PHIP: variants seen among roughly 807,000 people sequenced by gnomAD.
The protein encoded by PHIP is PHIP subunit of CUL4-Ring ligase complex.
In PHIP, 54 loss-of-function variants were observed where a neutral mutation model predicts 236.8. That is an observed-to-expected ratio of 0.23 (90% confidence interval 0.18 to 0.29). PHIP has a LOEUF of 0.29. Ranked by LOEUF, PHIP falls within the 10% of genes least tolerant of loss-of-function variation. PHIP has a pLI of 1.00. For missense variants in PHIP, 1,370 were observed against 2,190.8 expected, an observed-to-expected ratio of 0.63 and a Z score of 7.48; for synonymous variants, 756 against 718.9, an observed-to-expected ratio of 1.05 and a Z score of -0.83.
At chr6:79,045,680 T>C (rs141197745) in intron 6 of PHIP, among the ~76,000 whole-genome samples, 215 of 152,310 alleles carry the variant, frequency 1.4e-3, no homozygotes, top group African/African-American at 4.7e-3. Context: ...GAAATGTCTC[T>C]TGGATTATTG....
At chr6:78,974,647 A>G (rs1034234555) in intron 24 of PHIP, among the ~76,000 whole-genome samples, 3 of 152,138 alleles carry the variant, frequency 2.0e-5, no homozygotes, top group Admixed American at 2.0e-4. Context: ...ATAAAAGAAA[A>G]AAAGAAGAAT....
chr6:78,947,197 C>G (rs1004556289), intron 36 of PHIP, among the ~76,000 whole-genome samples: 7 of 152,174 alleles, frequency 4.6e-5, no homozygotes, highest in Non-Finnish European at 1.0e-4. Context: ...AACCTGTTTT[C>G]TATCTAGGAC....
At chr6:79,072,910 C>T (rs1773957574) in intron 4 of PHIP, among the ~76,000 whole-genome samples, 1 of 152,194 alleles carries the variant, frequency 6.6e-6, no homozygotes, top group African/African-American at 2.4e-5. Context: ...TTTACTACCA[C>T]TACTAAAGTT....
intron 31 of PHIP, among the ~76,000 whole-genome samples, chr6:78,960,961 A>G (rs1305862018): frequency 1.3e-5 from 2 of 152,182 alleles, no homozygotes; most frequent in African/African-American, 4.8e-5. Context: ...CTTTTAATGC[A>G]ATGTTACACA....
At chr6:79,045,024 C>T (rs1772408289) in intron 6 of PHIP, among the ~76,000 whole-genome samples, 1 of 152,112 alleles carries the variant, frequency 6.6e-6, no homozygotes, top group Non-Finnish European at 1.5e-5. Context: ...TTTCCAGAAT[C>T]ACATTAGGTG....
At chr6:78,970,281 G>C in intron 25 of PHIP, 108 bp from the exon 26 acceptor site, 1 of 853,446 alleles carries the variant, frequency 1.2e-6, no homozygotes, top group Non-Finnish European at 1.8e-6. Flanking sequence ...TGATCTGGAT[G>C]GTGATGACTG....
chr6:79,059,632 C>T (rs1439054781), intron 6 of PHIP, among the ~76,000 whole-genome samples: 10 of 75,976 alleles, frequency 1.3e-4, no homozygotes, highest in Non-Finnish European at 2.2e-4. Context: ...TATAAAAATG[C>T]CAAACAAAAG....
intron 23 of PHIP, among the ~76,000 whole-genome samples, chr6:78,980,528 G>A (rs184538175): frequency 5.3e-5 from 8 of 152,142 alleles, no homozygotes; most frequent in African/African-American, 9.6e-5. Flanking sequence ...TAAGAGAGTC[G>A]TCATATTACT....
Position 78,996,153 on chromosome 6 carries a change from G to A in PHIP, c.2201+1261C>T, listed in dbSNP as rs200790328. 7.9e-5 allele frequency among the ~76,000 whole-genome samples: 12 copies of A among 152,308 alleles called. No individual in the cohort carries two copies. The East Asian group carries it at 1.7e-3, about 22-fold the overall frequency. ...CAGAGGAGGAGTAAATTAGTCAACT[G>A]ATATGCTCTGGAAGAAAAACCCAGC... is the stretch of plus-strand genomic sequence containing the variant. On this transcript the variant is annotated intron_variant, in intron 19 of 39. Coordinates refer to ENST00000275034, the MANE Select transcript of PHIP (RefSeq NM_017934.7).
In PHIP at chr6:78,936,828, G is replaced by A. The variant is rs1773287023; in HGVS notation, c.*3865C>T. 6.6e-6 allele frequency: 1 copy of A among 151,794 alleles called. No homozygotes were observed. The highest frequency in any genetic ancestry group is 1.5e-5 in the Non-Finnish European group (1 of 67,750). The allele number at this position is 151,794 out of a possible 1,614,324, so 9.4% of individuals were successfully genotyped here. Reference sequence around the variant, plus strand: ...TTTCATTTGGAGCAAACTTTGCTCAGTATAATTAACAAAAATAGTTTCTTA... The same window carrying A: ...TTTCATTTGGAGCAAACTTTGCTCAATATAATTAACAAAAATAGTTTCTTA... On this transcript the variant is annotated 3_prime_UTR_variant, in exon 40 of 40. Coordinates refer to ENST00000275034, the MANE Select transcript of PHIP (RefSeq NM_017934.7).
In PHIP at chr6:78,969,859, C is replaced by T. The variant is rs1767408707; in HGVS notation, c.3181G>A (p.Ala1061Thr). 4 of 1,581,070 alleles carry T rather than the reference C, an allele frequency of 2.5e-6. No homozygotes were observed. Among genetic ancestry groups the T allele is most frequent in the Non-Finnish European group, 3.5e-6 (4 of 1,153,910 alleles). ...CCTATATTCCATCGCCTGTATTTTG[C>T]ATCATCAAATTGTTGTCTCAAGACT... ...FLVLRQQFDDAKYRRWNIGDR... is the reference protein window; with the variant it reads ...FLVLRQQFDDTKYRRWNIGDR... Residue 1061 changes from alanine to threonine, a missense_variant, in exon 27 of 40, where the codon GCA becomes ACA. By Grantham distance (58) the Ala-to-Thr change is moderately conservative (BLOSUM62 0). Around this residue, in one of 14 missense-constraint regions of PHIP, gnomAD observed 238 missense variants for 398.5 expected, o/e 0.60. Transcript: ENST00000275034.
intron 7 of PHIP, among the ~76,000 whole-genome samples, chr6:79,036,816 G>A (rs1366405010): frequency 2.0e-5 from 3 of 150,580 alleles, no homozygotes; most frequent in Non-Finnish European, 4.4e-5. Flanking sequence ...AGCTACTCGG[G>A]AGGCTGAGGC....
At chr6:79,003,696 A>C in intron 16 of PHIP, 34 bp downstream of exon 16, 1 of 1,482,104 alleles carries the variant, frequency 6.7e-7, no homozygotes, top group Non-Finnish European at 9.0e-7. Flanking sequence ...ATTAAAAAAA[A>C]ATAAGGACAT....
chr6:78,974,546 T>G (rs945782039), intron 24 of PHIP, among the ~76,000 whole-genome samples: 12 of 151,286 alleles, frequency 7.9e-5, no homozygotes, highest in Non-Finnish European at 4.4e-5. Flanking sequence ...CTGAAGGAAA[T>G]AGAGACACAA....
chr6:79,000,241 T>C (rs1442856941), intron 17 of PHIP, among the ~76,000 whole-genome samples: 1 of 152,052 alleles, frequency 6.6e-6, no homozygotes, highest in Non-Finnish European at 1.5e-5. Flanking sequence ...ATCAGAACAC[T>C]GAAAAATTTT....
At chr6:79,047,839 T>C (rs1371490171) in intron 6 of PHIP, among the ~76,000 whole-genome samples, 2 of 152,122 alleles carry the variant, frequency 1.3e-5, no homozygotes, top group African/African-American at 4.8e-5. Flanking sequence ...ATTTCTCACT[T>C]AACTCTTTAA....
At chr6:78,990,304 T>G (rs1458910545) in intron 20 of PHIP, among the ~76,000 whole-genome samples, 2 of 152,180 alleles carry the variant, frequency 1.3e-5, no homozygotes, top group Non-Finnish European at 2.9e-5. Flanking sequence ...TGTGATTCCT[T>G]CACACTCAGG....
chr6:78,974,395 A>G (rs890830688), intron 24 of PHIP, among the ~76,000 whole-genome samples: 30 of 151,962 alleles, frequency 2.0e-4, no homozygotes, highest in Admixed American at 3.3e-4. Context: ...AGGGAAATTT[A>G]TAGCACTAAA....
intron 2 of PHIP, 52 bp downstream of exon 2, chr6:79,077,803 C>G (rs1179086535): frequency 1.8e-6 from 2 of 1,086,976 alleles, no homozygotes; most frequent in South Asian, 3.7e-5. Flanking sequence ...CTCCCTCCCC[C>G]ACGCCCGCGA....
Sources: allele counts gnomAD v4.1 joint callset (sites outside exome capture counted in the v4.1 genomes callset), GRCh38; gene constraint gnomAD v4.1.1; regional missense constraint gnomAD v4.1.1; transcripts MANE v1.5; gene names NCBI Gene and HGNC (gene_info 2026-07-23, HGNC 2026-07-21).